Variants in GCN1 observed in about 807,000 individuals in gnomAD.
GCN1 encodes the protein GCN1 activator of EIF2AK4.
Under a neutral mutation model 288.4 loss-of-function variants are expected in GCN1, and 90 were observed. The ratio of observed to expected loss-of-function variants is 0.31; its 90% CI spans 0.26 to 0.37. The LOEUF (loss-of-function observed/expected upper bound fraction) is 0.37. Ranked by LOEUF, GCN1 falls within the 10% of genes least tolerant of loss-of-function variation. GCN1 has a pLI of 1.00. For missense variants in GCN1, 2,586 were observed against 3,419.9 expected (o/e 0.76, Z 6.08); for synonymous variants, 1,386 against 1,420.2 (o/e 0.98, Z 0.54).
intron 57 of GCN1, 71 bp downstream of exon 57, chr12:120,129,205 T>C: frequency 8.7e-7 from 1 of 1,148,256 alleles, no homozygotes; most frequent in African/African-American, 1.5e-5. Flanking sequence ...GGTTTAAATA[T>C]TTCCATGCTG....
At chr12:120,145,657 T>G (rs1877340521) in intron 38 of GCN1, among the ~76,000 whole-genome samples, 1 of 152,236 alleles carries the variant, frequency 6.6e-6, no homozygotes, top group African/African-American at 2.4e-5. Context: ...AGCAAATTAC[T>G]TCTGGTAATT....
At chr12:120,149,100 G>C (rs962847114) in intron 36 of GCN1, among the ~76,000 whole-genome samples, 5 of 151,872 alleles carry the variant, frequency 3.3e-5, no homozygotes, top group African/African-American at 1.2e-4. Context: ...GCTTTCCTGG[G>C]GGGGGAAAAC....
Position 120,158,937 on chromosome 12 carries a change from G to A in GCN1, c.2750-322C>T, listed in dbSNP as rs943695357. ...TCAAGAAGGAGAATGGCATGAACCC[G>A]GGAAGCGGAGCTGGCAGTGAGCCAA... On this transcript the variant is annotated intron_variant, in intron 24 of 57. Coordinates refer to ENST00000300648, the MANE Select transcript of GCN1 (RefSeq NM_006836.2). The surrounding 1 kb of genome is among the most constrained non-coding windows in gnomAD (Gnocchi z 4.3). Among the ~76,000 whole-genome samples the A allele has an allele frequency of 6.6e-6, 1 of 151,726 alleles. No individual in the cohort carries two copies. The highest frequency in any genetic ancestry group is 2.4e-5 in the African/African-American group (1 of 41,270).
chr12:120,150,710 G>C (rs1229509610), intron 34 of GCN1, among the ~76,000 whole-genome samples: 1 of 152,140 alleles, frequency 6.6e-6, no homozygotes, highest in Non-Finnish European at 1.5e-5. Flanking sequence ...GGCTGAGGCG[G>C]ACAGATCACG....
In GCN1 at chr12:120,153,781, A is replaced by G; in HGVS notation, c.3830T>C (p.Leu1277Ser). The G allele has an allele frequency of 3.7e-6, 6 of 1,614,140 alleles. No individual in the cohort carries two copies. The highest frequency in any genetic ancestry group is 4.2e-6 in the Non-Finnish European group (5 of 1,180,008). ...DRHPDVRKCM[L>S]DAALATLNTH... ...GTTGAGCGTTGCGAGGGCTGCATCC[A>G]ACATGCACTTCCGGACATCTGGGTG... Residue 1277 changes from leucine to serine, a missense_variant, in exon 32 of 58, where the codon TTG becomes TCG. By Grantham distance (145) the Leu-to-Ser change is moderately radical. Around this residue, in one of 8 missense-constraint regions of GCN1, gnomAD observed 332 missense variants for 403.0 expected, o/e 0.82. Transcript: ENST00000300648. The surrounding 1 kb of genome is among the most constrained non-coding windows in gnomAD (Gnocchi z 4.4).
At chr12:120,152,413 A>AAT (rs1349919816) in intron 33 of GCN1, among the ~76,000 whole-genome samples, 133 of 132,928 alleles carry the variant, frequency 1.0e-3, no homozygotes, top group Admixed American at 3.4e-3. Flanking sequence ...ACACACACAA[A>AAT]ATATATATAT....
Position 120,155,958 on chromosome 12 carries a change from A to G in GCN1, c.3313-239T>C, listed in dbSNP as rs1877733254. Among the ~76,000 whole-genome samples, 1 of 152,228 alleles carries G rather than the reference A, an allele frequency of 6.6e-6. No individual in the cohort carries two copies. Among genetic ancestry groups the G allele is most frequent in the Admixed American group, 6.5e-5 (1 of 15,288 alleles). On this transcript the variant is annotated intron_variant, in intron 28 of 57. Coordinates refer to ENST00000300648, the MANE Select transcript of GCN1 (RefSeq NM_006836.2). The surrounding 1 kb of genome is among the most constrained non-coding windows in gnomAD (Gnocchi z 4.9). ...CCAGACAGATAAAAACCTCAGAAAA[A>G]GCGTATTCCTTTTGTTCAAAAAAAT...
chr12:120,138,124 G>A, intron 47 of GCN1, 80 bp from the exon 48 acceptor site: 1 of 1,341,036 alleles, frequency 7.5e-7, no homozygotes, highest in Non-Finnish European at 1.0e-6. Context: ...GGGTGGGCAA[G>A]AGAGCCCAAG....
At position 120,131,965 on chromosome 12, in the gene GCN1, C is replaced by T; in HGVS notation, c.7375G>A (p.Glu2459Lys). ...TGTAGAACGGCACTAAGCTCCTCTT[C>T]AGTCAAAAAGGCACACAGTTCCCCT... ...CLGELCAFLT[E>K]EELSAVLQQC... The change falls in exon 54 of 58, where the codon GAA becomes AAA. Residue 2459 changes from glutamate to lysine, a missense_variant. Physicochemically the swap from Glu to Lys is moderately conservative, Grantham distance 56. Coordinates refer to ENST00000300648, the MANE Select transcript of GCN1 (RefSeq NM_006836.2). The T allele has an allele frequency of 6.2e-7, 1 of 1,606,046 alleles. No individual in the cohort carries two copies. The highest frequency in any genetic ancestry group is 8.5e-7 in the Non-Finnish European group (1 of 1,175,712).
chr12:120,134,830 G>T lies in GCN1; in HGVS notation c.7009-104C>A. The T allele has an allele frequency of 1.0e-6, 1 of 961,718 alleles. No homozygotes were observed. The highest frequency in any genetic ancestry group is 1.6e-6 in the Non-Finnish European group (1 of 617,234). The allele number at this position is 961,718 out of a possible 1,614,324, so 59.6% of individuals were successfully genotyped here. ...TGACAATCCCAAACCACCACAGCGA[G>T]TCCAGCTCTCATACAGGGCTGGGGA... On this transcript the variant is annotated intron_variant, in intron 51 of 57. Coordinates refer to ENST00000300648, the MANE Select transcript of GCN1 (RefSeq NM_006836.2). The surrounding 1 kb of genome is among the most constrained non-coding windows in gnomAD (Gnocchi z 5.0).
At chr12:120,166,034 C>T (rs1009086615) in intron 16 of GCN1, among the ~76,000 whole-genome samples, 11 of 151,826 alleles carry the variant, frequency 7.2e-5, no homozygotes, top group Non-Finnish European at 1.6e-4. Context: ...ATGATCTGCC[C>T]GCCTCGGCCT....
rs763439791 is a variant in GCN1 at position 120,155,036 on chromosome 12, G to A, written c.3635C>T (p.Pro1212Leu). 6 of 1,613,332 alleles carry A rather than the reference G, an allele frequency of 3.7e-6. No homozygotes were observed. Among genetic ancestry groups the A allele is most frequent in the Middle Eastern group, 1.6e-4 (1 of 6,062 alleles). ...TCCCAAAGCATCCAGCACTGGGGGC[G>A]GCCGCTGCAACAGACAAGTTGGTAA... is the stretch of plus-strand genomic sequence containing the variant. ...MEIYQEKLYR[P>L]PPVLDALGRV... Residue 1212 changes from proline (P) to leucine (L), a missense_variant, in exon 31 of 58, where the codon CCG becomes CTG. Transcript: ENST00000300648. The surrounding 1 kb of genome is among the most constrained non-coding windows in gnomAD (Gnocchi z 4.9).
chr12:120,170,248 G>C lies in GCN1; in HGVS notation c.1440C>G (p.Ser480Arg). The C allele has an allele frequency of 6.2e-7, 1 of 1,614,014 alleles. No individual in the cohort carries two copies. The highest frequency in any genetic ancestry group is 1.3e-5 in the African/African-American group (1 of 75,048). Residue 480 changes from serine (S) to arginine (R), a missense_variant, in exon 15 of 58, where the codon AGC (serine) becomes AGG (arginine). By Grantham distance (110) the Ser-to-Arg change is moderately radical. This residue lies in a region of GCN1 where 913 missense variants were observed against 1,107.0 expected (regional missense o/e 0.82). Coordinates refer to ENST00000300648, the MANE Select transcript of GCN1 (RefSeq NM_006836.2). The part of the protein sequence containing the change: ...IQTVEKAASQ[S>R]TQVPTITEGV... ...CTTCAGTGATGGTGGGAACCTGAGT[G>C]CTTTGGGAGGCTGCCTTCTCCACTG...
chr12:120,130,959 C>A (rs1466210879), intron 55 of GCN1, among the ~76,000 whole-genome samples: 2 of 152,152 alleles, frequency 1.3e-5, no homozygotes, highest in African/African-American at 4.8e-5. Context: ...CAAGACCTGA[C>A]CCAGAAGGGG....
At chr12:120,147,825 A>C (rs1426355333) in intron 37 of GCN1, among the ~76,000 whole-genome samples, 1 of 152,168 alleles carries the variant, frequency 6.6e-6, no homozygotes, top group Non-Finnish European at 1.5e-5. Flanking sequence ...CATCCAGAGT[A>C]GTCAGGTTAA....
Position 120,156,955 on chromosome 12 carries a change from C to A in GCN1, c.3125G>T (p.Arg1042Leu). 1 of 1,613,458 alleles carries A rather than the reference C, an allele frequency of 6.2e-7. No individual in the cohort carries two copies. The highest frequency in any genetic ancestry group is 8.5e-7 in the Non-Finnish European group (1 of 1,179,474). Residue 1042 changes from arginine (R) to leucine (L), a missense_variant, in exon 27 of 58, where the codon CGT becomes CTT. By Grantham distance (102) the Arg-to-Leu change is moderately radical. Transcript: ENST00000300648. The surrounding 1 kb of genome is among the most constrained non-coding windows in gnomAD (Gnocchi z 5.8). The stretch of plus-strand genomic sequence containing the variant: ...CGTCCCGATCACCCAAGTCAGAAGA[C>A]GCAGCATGGCCACGCGAGGCAGCAA... ...PELLPRVAML[R>L]LLTWVIGTGS...
intron 54 of GCN1, 142 bp from the exon 55 acceptor site, chr12:120,131,475 C>A (rs1876820889): frequency 9.4e-6 from 7 of 742,730 alleles, no homozygotes; most frequent in Non-Finnish European, 1.5e-5. Flanking sequence ...TCACATGGAC[C>A]TCCCTGCTAT....
intron 24 of GCN1, 36 bp downstream of exon 24, chr12:120,159,789 C>T (rs1566308866): frequency 1.3e-6 from 2 of 1,592,258 alleles, no homozygotes; most frequent in Non-Finnish European, 1.7e-6. Flanking sequence ...AGGGGCACCC[C>T]TGGGCCATCC....
chr12:120,155,287 G>A lies in GCN1; in HGVS notation c.3584C>T (p.Ala1195Val), dbSNP rs750431941. Residue 1195 changes from alanine (A) to valine (V), a missense_variant, in exon 30 of 58, where the codon GCG (alanine) becomes GTG (valine). Ala to Val is a moderately conservative substitution (Grantham distance 64). Around this residue, in one of 8 missense-constraint regions of GCN1, gnomAD observed 332 missense variants for 403.0 expected, o/e 0.82. Coordinates refer to ENST00000300648, the MANE Select transcript of GCN1 (RefSeq NM_006836.2). The surrounding 1 kb of genome is among the most constrained non-coding windows in gnomAD (Gnocchi z 4.9). ...QAVARYQRQA[A>V]EVMGRLMEIY... ...CTCCATGAGCCTGCCCATAACCTCC[G>A]CCGCCTGCCGCTGGTAACGTGCCAC... The A allele has an allele frequency of 2.7e-5, 43 of 1,613,998 alleles. No individual in the cohort carries two copies. Among genetic ancestry groups the A allele is most frequent in the African/African-American group, 1.2e-4 (9 of 74,916 alleles).
Sources: allele counts gnomAD v4.1 joint callset (sites outside exome capture counted in the v4.1 genomes callset), GRCh38; gene constraint gnomAD v4.1.1; regional missense constraint gnomAD v4.1.1; non-coding constraint Gnocchi (gnomAD v3.1); transcripts MANE v1.5; gene names NCBI Gene and HGNC (gene_info 2026-07-23, HGNC 2026-07-21).